The following BMP6 variants were observed in gnomAD, a reference collection of about 807,000 sequenced individuals.
BMP6 encodes bone morphogenetic protein 6.
In BMP6, 17 loss-of-function variants were observed where a neutral mutation model predicts 54.1. That is an observed-to-expected ratio of 0.31 (90% CI 0.22 to 0.47). The LOEUF is 0.47. BMP6 is among the 20% of genes least tolerant of loss of function. The probability of loss-of-function intolerance (pLI) is 1.00; values close to 1 mark genes in which losing one functional copy is unlikely to be tolerated. For synonymous variants in BMP6, 328 were observed against 291.2 expected (o/e 1.13, Z -1.28); for missense variants, 720 against 690.4 (o/e 1.04, Z -0.48).
intron 4 of BMP6, among the ~76,000 whole-genome samples, chr6:7,863,660 C>T (rs527380801): frequency 1.6e-4 from 24 of 152,274 alleles, no homozygotes; most frequent in African/African-American, 5.8e-4. Context: ...AGAACAGACA[C>T]ATTCAAAGGG....
chr6:7,826,560 C>T (rs1758701618), intron 1 of BMP6, among the ~76,000 whole-genome samples: 2 of 152,238 alleles, frequency 1.3e-5, no homozygotes, highest in South Asian at 4.1e-4. Context: ...CTCAGACCAT[C>T]AGTTGCGCTG....
chr6:7,796,274 T>C (rs922065899), intron 1 of BMP6, among the ~76,000 whole-genome samples: 3 of 152,206 alleles, frequency 2.0e-5, no homozygotes, highest in Non-Finnish European at 4.4e-5. Flanking sequence ...AAGAGTGCCA[T>C]CTGGATTGCC....
At chr6:7,808,210 G>A (rs574780616) in intron 1 of BMP6, among the ~76,000 whole-genome samples, 135 of 152,210 alleles carry the variant, frequency 8.9e-4, no homozygotes, top group African/African-American at 2.6e-3. Context: ...GTGAGCCACC[G>A]CGCCCGGCCT....
At chr6:7,765,224 G>A (rs1478884841) in intron 1 of BMP6, among the ~76,000 whole-genome samples, 3 of 152,174 alleles carry the variant, frequency 2.0e-5, no homozygotes, top group Non-Finnish European at 4.4e-5. Context: ...ATGCTGATGA[G>A]CCCAGGATTG....
intron 1 of BMP6, 87 bp from the exon 2 acceptor site, chr6:7,845,053 G>C: frequency 2.5e-6 from 3 of 1,219,114 alleles, no homozygotes; most frequent in South Asian, 2.9e-5. Flanking sequence ...ATCCACCTAT[G>C]AAGTCAAACG....
chr6:7,807,514 A>T (rs144443567), intron 1 of BMP6, among the ~76,000 whole-genome samples: 3 of 151,714 alleles, frequency 2.0e-5, no homozygotes, highest in African/African-American at 4.9e-5. Flanking sequence ...CTCCTGACCT[A>T]GTGATCCGCC....
Position 7,727,495 on chromosome 6 carries a change from C to T in BMP6, c.540C>T (p.His180=), listed in dbSNP as rs776483805. ...QRRQPPPGAA[H]PLNRKSLLAP... is the part of the protein sequence containing the mutation. ...GGCAGCCGCCCCCGGGCGCCGCGCA[C>T]CCGCTCAACCGCAAGAGCCTTCTGG... Residue 180 remains histidine (H), a synonymous_variant, in exon 1 of 7, where the codon CAC becomes CAT. Coordinates refer to ENST00000283147, the MANE Select transcript of BMP6 (RefSeq NM_001718.6). 37 of 1,595,246 alleles carry T rather than the reference C, an allele frequency of 2.3e-5. No homozygotes were observed. In the Admixed American group the frequency reaches 3.4e-4, roughly 15 times the overall value.
intron 1 of BMP6, among the ~76,000 whole-genome samples, chr6:7,730,555 T>C (rs1289026125): frequency 6.6e-6 from 1 of 152,190 alleles, no homozygotes; most frequent in Admixed American, 6.5e-5. Flanking sequence ...CAGCAAGCCA[T>C]GCCACCTGCC....
At chr6:7,750,814 A>G (rs746452820) in intron 1 of BMP6, among the ~76,000 whole-genome samples, 6 of 152,132 alleles carry the variant, frequency 3.9e-5, no homozygotes, top group Non-Finnish European at 5.9e-5. Context: ...CAAACACTTT[A>G]TGACTAAATA....
intron 4 of BMP6, among the ~76,000 whole-genome samples, chr6:7,864,633 C>T (rs1270843256): frequency 6.6e-6 from 1 of 152,048 alleles, no homozygotes; most frequent in Non-Finnish European, 1.5e-5. Flanking sequence ...TTTTGTGTTC[C>T]GACTTAAATC....
chr6:7,738,963 A>G (rs934983056), intron 1 of BMP6, among the ~76,000 whole-genome samples: 2 of 152,186 alleles, frequency 1.3e-5, no homozygotes, highest in African/African-American at 4.8e-5. Flanking sequence ...CATCCTTAAG[A>G]ATGGAATTTG....
rs1438728292 is a variant in BMP6, at chr6:7,726,899, C to T, written c.-57C>T. 3.7e-6 allele frequency: 4 copies of T among 1,078,538 alleles called. No individual in the cohort carries two copies. The highest frequency in any genetic ancestry group is 4.5e-6 in the Non-Finnish European group (4 of 886,820). 66.8% of individuals were successfully genotyped at this position (1,078,538 alleles called of 1,614,324 possible). A position where few individuals can be genotyped will look rare whatever the true frequency, so the allele number is the denominator to read the frequency against. The stretch of plus-strand genomic sequence containing the variant: ...AGGGCCACAGCGGCCGCGCTCCGGC[C>T]TCGCTCCGCCGCTCCACGCCTCGCG... On this transcript the variant is annotated 5_prime_UTR_variant, in exon 1 of 7. Coordinates refer to ENST00000283147, the MANE Select transcript of BMP6 (RefSeq NM_001718.6).
Position 7,845,076 on chromosome 6 carries a change from A to C in BMP6, c.665-64A>C, listed in dbSNP as rs1759039906. On this transcript the variant is annotated intron_variant, in intron 1 of 6. Transcript: ENST00000283147. ...ATGAAGTCAAACGGGGAAACTGGTG[A>C]GGTAAGCCCGTGGCACTTAGTCAAG... 4.2e-6 allele frequency: 6 copies of C among 1,415,714 alleles called. No individual in the cohort carries two copies. In the South Asian group the frequency reaches 6.6e-5, roughly 15 times the overall value. 87.7% of individuals were successfully genotyped at this position (1,415,714 alleles called of 1,614,324 possible).
intron 1 of BMP6, among the ~76,000 whole-genome samples, chr6:7,832,233 A>G (rs1212972392): frequency 6.6e-6 from 1 of 152,230 alleles, no homozygotes; most frequent in Non-Finnish European, 1.5e-5. Flanking sequence ...GAATTACTGC[A>G]ATAGACCGAA....
At chr6:7,876,981 T>A (rs767376468) in intron 4 of BMP6, among the ~76,000 whole-genome samples, 1 of 152,184 alleles carries the variant, frequency 6.6e-6, no homozygotes, top group Non-Finnish European at 1.5e-5. Context: ...TTATCCACAG[T>A]CTCTGGGGTC....
At chr6:7,785,358 C>CT (rs1758005839) in intron 1 of BMP6, among the ~76,000 whole-genome samples, 1 of 152,176 alleles carries the variant, frequency 6.6e-6, no homozygotes. Flanking sequence ...TGTGTCATAA[C>CT]TGAGTGCTTG....
intron 1 of BMP6, among the ~76,000 whole-genome samples, chr6:7,735,534 C>T (rs1761941124): frequency 6.6e-6 from 1 of 152,096 alleles, no homozygotes; most frequent in Admixed American, 6.5e-5. Flanking sequence ...TTTGTAGACT[C>T]CCATATCGGA....
At chr6:7,805,406 C>T (rs1758333540) in intron 1 of BMP6, among the ~76,000 whole-genome samples, 1 of 152,120 alleles carries the variant, frequency 6.6e-6, no homozygotes, top group Non-Finnish European at 1.5e-5. Context: ...GTTGTAGTCA[C>T]CTTAAAAAGT....
intron 1 of BMP6, among the ~76,000 whole-genome samples, chr6:7,749,011 T>C (rs1757385669): frequency 6.6e-6 from 1 of 152,214 alleles, no homozygotes; most frequent in Admixed American, 6.5e-5. Context: ...TACCACCATT[T>C]TGATCTTCCA....
Sources: allele counts gnomAD v4.1 joint callset (sites outside exome capture counted in the v4.1 genomes callset), GRCh38; gene constraint gnomAD v4.1.1; transcripts MANE v1.5; gene names NCBI Gene and HGNC (gene_info 2026-07-23, HGNC 2026-07-21).